Variants in SYNE3 observed in about 807,000 individuals in gnomAD.
SYNE3 encodes the protein spectrin repeat containing nuclear envelope family member 3.
SYNE3 carries 100 observed loss-of-function variants against 111.2 expected under a neutral mutation model. That is an observed-to-expected ratio of 0.90 (90% CI 0.77 to 1.06). The LOEUF (loss-of-function observed/expected upper bound fraction) is 1.06. SYNE3 is among the 50% of genes least tolerant of loss of function. The pLI, the probability that SYNE3 is intolerant of heterozygous loss-of-function variation, is 0.00. For synonymous variants in SYNE3, 547 were observed against 533.9 expected, an observed-to-expected ratio of 1.02 and a Z score of -0.34; for missense variants, 1,160 against 1,240.3, an observed-to-expected ratio of 0.94 and a Z score of 0.97.
chr14:95,423,875 G>A, intron 17 of SYNE3, among the ~76,000 whole-genome samples: 1 of 58,744 alleles, frequency 1.7e-5, no homozygotes, highest in African/African-American at 6.4e-5. Context: ...ATTTGATGGG[G>A]ATGGGGTTTT....
chr14:95,443,341 T>C, intron 10 of SYNE3, 52 bp from the exon 11 acceptor site: 1 of 1,608,448 alleles, frequency 6.2e-7, no homozygotes. Context: ...CTCCCTCCCT[T>C]GGGGTGGCCG....
At position 95,448,724 on chromosome 14, in the gene SYNE3, G is replaced by A. The variant is rs113340352; in HGVS notation, c.1449+1207C>T. On this transcript the variant is annotated intron_variant, in intron 8 of 17. Transcript: ENST00000682763. ...CCACGAAGAGAGAAAACAAATTATT[G>A]TCCCAATGTAAGCCCCAAGCGGAAA... 4.4e-3 allele frequency among the ~76,000 whole-genome samples: 663 copies of A among 152,242 alleles called. 5 individuals are homozygous for A. In the Middle Eastern group the frequency reaches 0.061, roughly 14 times the overall value.
rs533324696 is a variant in SYNE3 at position 95,484,176 on chromosome 14, G to A, written c.-14-8341C>T. 2.0e-5 allele frequency among the ~76,000 whole-genome samples: 3 copies of A among 152,338 alleles called. No homozygotes were observed. In the South Asian group the frequency reaches 6.2e-4, roughly 32 times the overall value. On this transcript the variant is annotated intron_variant, in intron 1 of 17. Transcript: ENST00000682763. ...CACAAATACAGGTGTTTGAGAGGGAGAGAAGACACCAGGGCAGCTAAGAGG... is the reference window on the plus strand; with the variant it reads ...CACAAATACAGGTGTTTGAGAGGGAAAGAAGACACCAGGGCAGCTAAGAGG...
At chr14:95,454,666 G>C (rs1185698610) in intron 6 of SYNE3, among the ~76,000 whole-genome samples, 1 of 152,240 alleles carries the variant, frequency 6.6e-6, no homozygotes, top group Non-Finnish European at 1.5e-5. Context: ...TATGAGCAGA[G>C]ATTAGAAGGA....
intron 4 of SYNE3, among the ~76,000 whole-genome samples, chr14:95,460,689 G>C (rs761229818): frequency 6.6e-6 from 1 of 152,152 alleles, no homozygotes; most frequent in Non-Finnish European, 1.5e-5. Context: ...CCGGGGCTTC[G>C]GCAAGCTCCC....
At chr14:95,477,579 G>A (rs942550637) in intron 1 of SYNE3, among the ~76,000 whole-genome samples, 7 of 152,156 alleles carry the variant, frequency 4.6e-5, no homozygotes, top group African/African-American at 7.2e-5. Context: ...AAGAAGCTTC[G>A]GGGAGAACCC....
rs776807420 is a variant in SYNE3 at position 95,444,648 on chromosome 14, T to C, written c.1633-20A>G. The C allele has an allele frequency of 6.4e-7, 1 of 1,567,306 alleles. No individual in the cohort carries two copies. The highest frequency in any genetic ancestry group is 8.7e-7 in the Non-Finnish European group (1 of 1,152,326). On this transcript the variant is annotated intron_variant, in intron 9 of 17. Coordinates refer to ENST00000682763, the MANE Select transcript of SYNE3 (RefSeq NM_152592.6). ...CAGGCTCTGCAGAGACACAGGACAG[T>C]GTGCACATTAAGAGCGTTCCTCATG...
At chr14:95,486,872 T>C (rs1889578054) in intron 1 of SYNE3, among the ~76,000 whole-genome samples, 1 of 152,138 alleles carries the variant, frequency 6.6e-6, no homozygotes, top group African/African-American at 2.4e-5. Flanking sequence ...CACCCCAAGG[T>C]GAGGGACCCC....
rs565196186 is a variant in SYNE3, at chr14:95,512,498, G to T, written c.-15+4098C>A. Among the ~76,000 whole-genome samples the T allele has an allele frequency of 2.6e-4, 39 of 152,156 alleles. No individual in the cohort carries two copies. The South Asian group carries it at 6.6e-3, about 26-fold the overall frequency. ...GAACCTGGGAGGTGGAGGTTGCTGT[G>T]AGCTGAGATTGTGCCACTGCACTCC... On this transcript the variant is annotated intron_variant, in intron 1 of 17. Coordinates refer to ENST00000682763, the MANE Select transcript of SYNE3 (RefSeq NM_152592.6).
chr14:95,503,996 G>A (rs1229350304), intron 1 of SYNE3, among the ~76,000 whole-genome samples: 52 of 152,160 alleles, frequency 3.4e-4, no homozygotes, highest in Non-Finnish European at 1.9e-4. Flanking sequence ...CCACTGCAGA[G>A]GCGGCTTCTA....
At chr14:95,497,599 G>A (rs535746947) in intron 1 of SYNE3, among the ~76,000 whole-genome samples, 5 of 152,162 alleles carry the variant, frequency 3.3e-5, no homozygotes, top group Non-Finnish European at 5.9e-5. Flanking sequence ...ACTGCAAAGC[G>A]CTGCACTCTA....
In SYNE3 at chr14:95,500,873, TC is replaced by T. The variant is rs1890309659; in HGVS notation, c.-15+15722del. Among the ~76,000 whole-genome samples, 3 of 152,148 alleles carry T rather than the reference TC, an allele frequency of 2.0e-5. No homozygotes were observed. In the South Asian group the frequency reaches 6.2e-4, roughly 31 times the overall value. ...CATTCTTTGTACTCCCAGTGGGGGA[TC>T]GGGGGCGGTGAAGCGGGAGGGACAC... On this transcript the variant is annotated intron_variant, in intron 1 of 17. Coordinates refer to ENST00000682763, the MANE Select transcript of SYNE3 (RefSeq NM_152592.6). The surrounding 1 kb of genome is among the most constrained non-coding windows in gnomAD (Gnocchi z 4.7).
chr14:95,488,194 G>A (rs1889645377), intron 1 of SYNE3, among the ~76,000 whole-genome samples: 2 of 152,158 alleles, frequency 1.3e-5, no homozygotes, highest in Admixed American at 1.3e-4. Flanking sequence ...TCAAAAGTTA[G>A]ACTTAAATTT....
chr14:95,439,009 C>T (rs974653250), intron 14 of SYNE3, 24 bp downstream of exon 14: 5 of 1,612,572 alleles, frequency 3.1e-6, no homozygotes, highest in Admixed American at 1.7e-5. Flanking sequence ...CCCCTTCTCC[C>T]ACAGCCCTGC....
chr14:95,499,686 T>C lies in SYNE3; in HGVS notation c.-15+16910A>G, dbSNP rs528920975. ...AAAGAAGTTGAGGTTAGATTCAAAG[T>C]GGCTAAGTAACCTGCCAAAGGTCAC... On this transcript the variant is annotated intron_variant, in intron 1 of 17. Transcript: ENST00000682763. 2.5e-3 allele frequency among the ~76,000 whole-genome samples: 374 copies of C among 152,200 alleles called. 1 individual carries two copies. The highest frequency in any genetic ancestry group is 8.9e-3 in the South Asian group (43 of 4,826).
intron 4 of SYNE3, among the ~76,000 whole-genome samples, chr14:95,460,443 A>T (rs914797309): frequency 6.8e-6 from 1 of 147,570 alleles, no homozygotes; most frequent in South Asian, 2.1e-4. Flanking sequence ...TTGGTCTCGA[A>T]CTCCTGACCT....
chr14:95,424,610 C>T (rs1222035301), intron 17 of SYNE3, among the ~76,000 whole-genome samples: 6 of 152,184 alleles, frequency 3.9e-5, no homozygotes, highest in Admixed American at 6.5e-5. Flanking sequence ...GACATGCTGA[C>T]GACATGTGTC....
chr14:95,433,457 A>C (rs575477265), intron 15 of SYNE3, 48 bp from the exon 16 acceptor site: 15 of 1,606,398 alleles, frequency 9.3e-6, no homozygotes, highest in Non-Finnish European at 1.3e-5. Flanking sequence ...TGGCCCAGAC[A>C]GCCCCACCTG....
rs1187650037 is a variant in SYNE3 at position 95,408,332 on chromosome 14, G to T, written c.*9494C>A. On this transcript the variant is annotated 3_prime_UTR_variant, in exon 18 of 18. Coordinates refer to ENST00000682763, the MANE Select transcript of SYNE3 (RefSeq NM_152592.6). ...TTTTCCCAACACACACACACAGAAA[G>T]AGAGAGAGAAAGGAGAAAATTTAGG... 6.6e-6 allele frequency: 1 copy of T among 152,078 alleles called. No individual in the cohort carries two copies. Among genetic ancestry groups the T allele is most frequent in the African/African-American group, 2.4e-5 (1 of 41,414 alleles). 9.4% of individuals were successfully genotyped at this position (152,078 alleles called of 1,614,324 possible).
Sources: allele counts gnomAD v4.1 joint callset (sites outside exome capture counted in the v4.1 genomes callset), GRCh38; gene constraint gnomAD v4.1.1; non-coding constraint Gnocchi (gnomAD v3.1); transcripts MANE v1.5; gene names NCBI Gene and HGNC (gene_info 2026-07-23, HGNC 2026-07-21).